ANO3: variants seen among roughly 807,000 people sequenced by gnomAD.
The protein encoded by ANO3 is anoctamin-3.
Under a neutral mutation model 144.8 loss-of-function variants are expected in ANO3, and 99 were observed. That is an observed-to-expected ratio of 0.68 (90% CI 0.58 to 0.81). The LOEUF is 0.81. Ranked by LOEUF, ANO3 falls within the 30% of genes least tolerant of loss-of-function variation. The probability of loss-of-function intolerance (pLI) is 0.00; values close to 1 mark genes in which losing one functional copy is unlikely to be tolerated. For missense variants in ANO3, 905 were observed against 1,202.2 expected (o/e 0.75, Z 3.66); for synonymous variants, 414 against 392.6 (o/e 1.05, Z -0.64).
intron 1 of ANO3, among the ~76,000 whole-genome samples, chr11:26,312,089 G>C (rs1395077308): frequency 6.6e-6 from 1 of 152,204 alleles, no homozygotes; most frequent in Non-Finnish European, 1.5e-5. Context: ...GTGAGAGCAT[G>C]CAGTGTTTGG....
chr11:26,600,228 T>C (rs1280361737), intron 17 of ANO3, among the ~76,000 whole-genome samples: 4 of 148,758 alleles, frequency 2.7e-5, no homozygotes, highest in African/African-American at 7.4e-5. Context: ...TCTTCCCTCT[T>C]CTCTCGTCTC....
intron 18 of ANO3, among the ~76,000 whole-genome samples, chr11:26,627,832 T>C (rs868615744): frequency 0.023 from 3,196 of 138,596 alleles, 113 homozygotes; most frequent in African/African-American, 0.078. Flanking sequence ...TGTGTGTGTG[T>C]GTGTGTGTGT....
At chr11:26,553,472 T>C (rs1434334117) in intron 13 of ANO3, 127 bp downstream of exon 13, 1 of 525,056 alleles carries the variant, frequency 1.9e-6, no homozygotes, top group Non-Finnish European at 3.4e-6. Flanking sequence ...ATAAGTGCCA[T>C]TGACAACTGA....
chr11:26,628,702 A>G (rs10835031), intron 18 of ANO3, among the ~76,000 whole-genome samples: 20,951 of 152,184 alleles, frequency 0.14, 1,901 homozygotes, highest in African/African-American at 0.26. Flanking sequence ...TTAGTAGCTC[A>G]GGACAACAAC....
intron 1 of ANO3, among the ~76,000 whole-genome samples, chr11:26,286,729 C>T (rs367848988): frequency 6.6e-6 from 1 of 152,124 alleles, no homozygotes; most frequent in African/African-American, 2.4e-5. Flanking sequence ...CTTTGGTCTC[C>T]ATACAAGATA....
chr11:26,277,942 T>A (rs1275577848), intron 1 of ANO3, among the ~76,000 whole-genome samples: 1 of 152,062 alleles, frequency 6.6e-6, no homozygotes, highest in Admixed American at 6.6e-5. Context: ...TTTCCAAGCA[T>A]GAATTGGTGG....
intron 1 of ANO3, among the ~76,000 whole-genome samples, chr11:26,422,362 TCTC>T (rs994543136): frequency 6.6e-6 from 1 of 152,002 alleles, no homozygotes; most frequent in Non-Finnish European, 1.5e-5. Flanking sequence ...AATAGCAGCT[TCTC>T]CTCCTTGGAG....
chr11:26,494,873 T>G (rs1056692985), intron 4 of ANO3, among the ~76,000 whole-genome samples: 1 of 152,132 alleles, frequency 6.6e-6, no homozygotes, highest in Non-Finnish European at 1.5e-5. Context: ...TCTGTGTGGT[T>G]TTCTCCAGAT....
intron 1 of ANO3, among the ~76,000 whole-genome samples, chr11:26,412,989 T>A (rs894153868): frequency 1.3e-5 from 2 of 151,950 alleles, no homozygotes; most frequent in African/African-American, 4.8e-5. Flanking sequence ...TGTAAATGAA[T>A]TTTTAGGGGA....
intron 3 of ANO3, among the ~76,000 whole-genome samples, chr11:26,456,132 C>T (rs1336594816): frequency 6.6e-6 from 1 of 152,086 alleles, no homozygotes; most frequent in Non-Finnish European, 1.5e-5. Flanking sequence ...TAGAAGAAAA[C>T]CTAGGCATTA....
intron 1 of ANO3, among the ~76,000 whole-genome samples, chr11:26,325,151 C>T (rs144877308): frequency 5.9e-5 from 9 of 152,160 alleles, no homozygotes; most frequent in African/African-American, 1.7e-4. Flanking sequence ...AATAAAACCA[C>T]GAATATGGAA....
intron 14 of ANO3, 106 bp downstream of exon 14, chr11:26,559,885 A>T: frequency 1.2e-6 from 1 of 820,858 alleles, no homozygotes; most frequent in Non-Finnish European, 2.0e-6. Flanking sequence ...CCATGAATCA[A>T]TTCAAAAATA....
chr11:26,571,998 A>G (rs1260057023), intron 14 of ANO3: 2 of 764,774 alleles, frequency 2.6e-6, no homozygotes, highest in East Asian at 2.6e-4. Flanking sequence ...TAGAGAGTGA[A>G]AGAGAGAAAG....
chr11:26,244,115 T>TGAAA (rs1852727384), intron 1 of ANO3, among the ~76,000 whole-genome samples: 1 of 106,390 alleles, frequency 9.4e-6, no homozygotes, highest in African/African-American at 4.4e-5. Flanking sequence ...AGACTCTGTC[T>TGAAA]GAAAAAAAAA....
intron 4 of ANO3, among the ~76,000 whole-genome samples, chr11:26,483,226 C>T (rs1860297781): frequency 6.6e-6 from 1 of 152,068 alleles, no homozygotes; most frequent in Non-Finnish European, 1.5e-5. Flanking sequence ...TTCTCACCAA[C>T]ATCTGTTATT....
chr11:26,293,575 A>ATATATG (rs1433627005), intron 1 of ANO3, among the ~76,000 whole-genome samples: 1 of 116,156 alleles, frequency 8.6e-6, no homozygotes. Context: ...ATATATATAT[A>ATATATG]TTCCTGTTGT....
chr11:26,533,886 C>T (rs1849436087), intron 8 of ANO3, among the ~76,000 whole-genome samples: 1 of 152,146 alleles, frequency 6.6e-6, no homozygotes, highest in South Asian at 2.1e-4. Flanking sequence ...TTGAGCAAGA[C>T]CCAGGACACT....
At chr11:26,564,783 A>G (rs758702521) in intron 14 of ANO3, among the ~76,000 whole-genome samples, 4 of 100,696 alleles carry the variant, frequency 4.0e-5, no homozygotes, top group South Asian at 3.3e-4. Flanking sequence ...ATATATATAT[A>G]TAAGTTCAGT....
chr11:26,402,401 C>A (rs574888714), intron 1 of ANO3, among the ~76,000 whole-genome samples: 1 of 152,054 alleles, frequency 6.6e-6, no homozygotes, highest in Middle Eastern at 3.4e-3. Flanking sequence ...TGATGTTCAG[C>A]TTTTGTTATA....
Sources: gnomAD v4.1 joint callset for allele counts (sites outside exome capture counted in the v4.1 genomes callset) on GRCh38, gnomAD v4.1.1 for gene constraint, MANE v1.5 for transcripts, NCBI Gene and HGNC (gene_info 2026-07-23, HGNC 2026-07-21) for gene names.